The following MGMT variants were observed in gnomAD, a reference collection of about 807,000 sequenced individuals.
MGMT encodes the protein O-6-methylguanine-DNA methyltransferase, also known as methylated-DNA--protein-cysteine methyltransferase.
MGMT carries 14 observed loss-of-function variants against 15.9 expected under a neutral mutation model. The observed-to-expected ratio is 0.88, with a 90% CI of 0.58 to 1.37. MGMT has a LOEUF of 1.37. Among genes scored for constraint, MGMT ranks in the 40% most tolerant of loss-of-function variants. MGMT has a pLI of 0.00. For missense variants in MGMT, 282 were observed against 268.1 expected (o/e 1.05, Z -0.36); for synonymous variants, 130 against 118.2 (o/e 1.10, Z -0.65).
At chr10:129,541,225 GT>G (rs1395063735) in intron 2 of MGMT, among the ~76,000 whole-genome samples, 1 of 152,234 alleles carries the variant, frequency 6.6e-6, no homozygotes, top group Non-Finnish European at 1.5e-5. Context: ...CTAAAAACGT[GT>G]GAGAAGCACA....
chr10:129,602,316 C>T (rs1846833346), intron 2 of MGMT, among the ~76,000 whole-genome samples: 3 of 152,020 alleles, frequency 2.0e-5, no homozygotes. Context: ...TTCCTGAAAT[C>T]TCCAAGCGAG....
chr10:129,604,833 T>TA (rs751096843), intron 2 of MGMT, among the ~76,000 whole-genome samples: 12 of 146,698 alleles, frequency 8.2e-5, no homozygotes, highest in Non-Finnish European at 1.5e-4. Flanking sequence ...TCAAAAAAGA[T>TA]ACTGCCAGAG....
chr10:129,536,319 G>T lies in MGMT; in HGVS notation c.67G>T (p.Gly23Cys). The change falls in exon 2 of 5, where the codon GGT (glycine) becomes TGT (cysteine). Residue 23 changes from glycine to cysteine, a missense_variant. Physicochemically the swap from Gly to Cys is radical, Grantham distance 159. Coordinates refer to ENST00000651593, the MANE Select transcript of MGMT (RefSeq NM_002412.5). ...DSPLGKLELS[G>C]CEQGLHEIKL... is the part of the protein sequence containing the mutation. ...CCCTTTGGGGAAGCTGGAGCTGTCTGGTTGTGAGCAGGGTCTGCACGAAAT... is the reference window on the plus strand; with the variant it reads ...CCCTTTGGGGAAGCTGGAGCTGTCTTGTTGTGAGCAGGGTCTGCACGAAAT... 6.2e-7 allele frequency: 1 copy of T among 1,614,152 alleles called. No homozygotes were observed. Among genetic ancestry groups the T allele is most frequent in the Non-Finnish European group, 8.5e-7 (1 of 1,180,034 alleles).
intron 3 of MGMT, among the ~76,000 whole-genome samples, chr10:129,730,475 CAG>C (rs1243191958): frequency 7.9e-5 from 12 of 152,198 alleles, no homozygotes; most frequent in African/African-American, 2.9e-4. Context: ...GGGGAGGAAT[CAG>C]AGCATCCTGT....
chr10:129,488,078 C>T (rs1483024229), intron 1 of MGMT, among the ~76,000 whole-genome samples: 2 of 151,262 alleles, frequency 1.3e-5, no homozygotes, highest in Non-Finnish European at 2.9e-5. Flanking sequence ...GGAAGCCAAG[C>T]TGTTTCTCAC....
At chr10:129,761,574 C>T (rs973118754) in intron 4 of MGMT, among the ~76,000 whole-genome samples, 3 of 152,234 alleles carry the variant, frequency 2.0e-5, no homozygotes, top group Non-Finnish European at 2.9e-5. Flanking sequence ...TGCTATTAAT[C>T]TCTATGAGTG....
At chr10:129,606,022 T>TAGA (rs1242731056) in intron 2 of MGMT, among the ~76,000 whole-genome samples, 2 of 152,198 alleles carry the variant, frequency 1.3e-5, no homozygotes, top group Non-Finnish European at 2.9e-5. Flanking sequence ...AGTGCCTCTG[T>TAGA]GCTAAGCACC....
At chr10:129,538,235 G>A (rs1477728834) in intron 2 of MGMT, among the ~76,000 whole-genome samples, 10 of 152,136 alleles carry the variant, frequency 6.6e-5, no homozygotes, top group East Asian at 1.9e-4. Flanking sequence ...AACTACCGCC[G>A]AAGATATAGA....
rs569523161 is a variant in MGMT, at chr10:129,574,335, C to T, written c.125+37958C>T. ...CTATGCCTTGGCAGCCCTTTCCACC[C>T]GTAGCAGGTTGTTCTTTACCTTTCG... On this transcript the variant is annotated intron_variant, in intron 2 of 4. Coordinates refer to ENST00000651593, the MANE Select transcript of MGMT (RefSeq NM_002412.5). 1.8e-3 allele frequency among the ~76,000 whole-genome samples: 274 copies of T among 152,322 alleles called. 1 individual carries two copies. Among genetic ancestry groups the T allele is most frequent in the Non-Finnish European group, 3.1e-3 (208 of 68,026 alleles).
intron 2 of MGMT, among the ~76,000 whole-genome samples, chr10:129,666,789 G>A (rs1847663839): frequency 6.6e-6 from 1 of 152,200 alleles, no homozygotes; most frequent in Non-Finnish European, 1.5e-5. Flanking sequence ...TAGTGATACT[G>A]TTGATGGGGT....
chr10:129,729,334 A>G (rs1848470632), intron 3 of MGMT, among the ~76,000 whole-genome samples: 1 of 152,172 alleles, frequency 6.6e-6, no homozygotes, highest in Non-Finnish European at 1.5e-5. Flanking sequence ...GCAGGTCGCA[A>G]TGTCTTGCTA....
chr10:129,728,430 C>T lies in MGMT; in HGVS notation c.274+20387C>T, dbSNP rs117542327. Among the ~76,000 whole-genome samples the T allele has an allele frequency of 9.5e-4, 144 of 152,200 alleles. 6 individuals are homozygous for T. The East Asian group carries it at 0.023, about 24-fold the overall frequency. On this transcript the variant is annotated intron_variant, in intron 3 of 4. Transcript: ENST00000651593. The stretch of plus-strand genomic sequence containing the variant: ...AGGAAGGGGCCAAGGGGGCGGACCC[C>T]GCAGGGTCCATAATGGTGGTGATTG...
rs747948047 is a variant in MGMT at position 129,769,813 on chromosome 10, G to T, written c.*2816G>T. Among the ~76,000 whole-genome samples the T allele has an allele frequency of 1.3e-5, 2 of 152,182 alleles. No homozygotes were observed. The highest frequency in any genetic ancestry group is 2.9e-5 in the Non-Finnish European group (2 of 68,040). On this transcript the variant is annotated 3_prime_UTR_variant, in exon 5 of 5. Coordinates refer to ENST00000651593, the MANE Select transcript of MGMT (RefSeq NM_002412.5). ...TGTGAGGCCAGAGAAGAGAAGCTAT[G>T]ACCGTGCAAACATGCATGTTATGGT...
intron 3 of MGMT, among the ~76,000 whole-genome samples, chr10:129,738,132 G>T (rs1848586819): frequency 6.6e-6 from 1 of 152,246 alleles, no homozygotes; most frequent in Non-Finnish European, 1.5e-5. Context: ...CCTGGGCAAT[G>T]GCGGGTGCCC....
intron 3 of MGMT, among the ~76,000 whole-genome samples, chr10:129,752,752 T>A (rs1055148621): frequency 6.6e-6 from 1 of 152,118 alleles, no homozygotes; most frequent in Admixed American, 6.5e-5. Context: ...CCCATTATGT[T>A]ATAATATCAT....
chr10:129,518,015 G>A (rs1845758250), intron 1 of MGMT, among the ~76,000 whole-genome samples: 1 of 152,030 alleles, frequency 6.6e-6, no homozygotes, highest in African/African-American at 2.4e-5. Context: ...TCGCACCTCT[G>A]TGGGCTCCCA....
Position 129,734,711 on chromosome 10 carries a change from A to T in MGMT, c.275-24491A>T, listed in dbSNP as rs373105664. 2.8e-3 allele frequency among the ~76,000 whole-genome samples: 418 copies of T among 151,918 alleles called. 1 individual carries two copies. The highest frequency in any genetic ancestry group is 8.8e-3 in the African/African-American group (364 of 41,350). ...TGGCTGTGGGTTTGTCATAGATAGC[A>T]CTTATTATTTTGAGATACGTCCCAT... is the stretch of plus-strand genomic sequence containing the variant. On this transcript the variant is annotated intron_variant, in intron 3 of 4. Transcript: ENST00000651593.
intron 2 of MGMT, among the ~76,000 whole-genome samples, chr10:129,580,305 G>A (rs964782802): frequency 6.6e-6 from 1 of 152,268 alleles, no homozygotes; most frequent in East Asian, 1.9e-4. Context: ...CTTGGAAGTC[G>A]GCTTAAATGG....
chr10:129,726,106 T>C (rs1241134543), intron 3 of MGMT, among the ~76,000 whole-genome samples: 1 of 152,012 alleles, frequency 6.6e-6, no homozygotes, highest in Admixed American at 6.6e-5. Flanking sequence ...CATGAGTAGC[T>C]TCTGCTTGCT....
Sources: gnomAD v4.1 joint callset for allele counts (sites outside exome capture counted in the v4.1 genomes callset) on GRCh38, gnomAD v4.1.1 for gene constraint, MANE v1.5 for transcripts, NCBI Gene and HGNC (gene_info 2026-07-23, HGNC 2026-07-21) for gene names.